Variants in PFKFB3 observed in about 807,000 individuals in gnomAD.
The protein encoded by PFKFB3 is 6-phosphofructo-2-kinase/fructose-2,6-bisphosphatase 3.
PFKFB3 carries 33 observed loss-of-function variants against 68.0 expected under a neutral mutation model. The observed-to-expected ratio is 0.49, with a 90% confidence interval of 0.37 to 0.65. PFKFB3 has a LOEUF of 0.65. PFKFB3 is among the 30% of genes least tolerant of loss of function. The pLI, the probability that PFKFB3 is intolerant of heterozygous loss-of-function variation, is 0.00. For missense variants in PFKFB3, 586 were observed against 712.2 expected (o/e 0.82, Z 2.02); for synonymous variants, 315 against 288.2 (o/e 1.09, Z -0.94).
At chr10:6,246,115 C>T (rs940261738) in intron 14 of PFKFB3, among the ~76,000 whole-genome samples, 3 of 152,126 alleles carry the variant, frequency 2.0e-5, no homozygotes, top group South Asian at 2.1e-4. Context: ...GCCATTCACC[C>T]GGCTGGGCCC....
intron 6 of PFKFB3, among the ~76,000 whole-genome samples, chr10:6,219,231 C>T (rs549607442): frequency 1.1e-4 from 17 of 152,346 alleles, no homozygotes; most frequent in African/African-American, 3.4e-4. Context: ...ACGTGGAGCT[C>T]GGTTGAGTTC....
At chr10:6,145,054 CG>C (rs1473290502) in intron 1 of PFKFB3, 2 of 1,307,406 alleles carry the variant, frequency 1.5e-6, no homozygotes, top group Non-Finnish European at 1.9e-6. Context: ...CCAGCGCGCG[CG>C]GGGACCTGAG....
chr10:6,294,897 T>C, the PFKFB3 span, among the ~76,000 whole-genome samples: 1 of 152,318 alleles, frequency 6.6e-6, no homozygotes, highest in African/African-American at 2.4e-5. Flanking sequence ...ATTTCTGGTC[T>C]GATAATCCCC....
chr10:6,191,320 C>T (rs1359218367), intron 1 of PFKFB3, among the ~76,000 whole-genome samples: 3 of 152,180 alleles, frequency 2.0e-5, no homozygotes, highest in Non-Finnish European at 2.9e-5. Context: ...CAGCAGGGAC[C>T]GCTCAAGACC....
Position 6,226,356 on chromosome 10 carries a change from G to T in PFKFB3, c.1506G>T (p.Leu502=), listed in dbSNP as rs760586804. 2 of 1,612,164 alleles carry T rather than the reference G, an allele frequency of 1.2e-6. No homozygotes were observed. Among genetic ancestry groups the T allele is most frequent in the East Asian group, 2.2e-5 (1 of 44,870 alleles). ...SCLPPEVPTQ[L]PGQNMKGSRS... is the part of the protein sequence containing the mutation. ...TGCCCCCGGAGGTGCCCACGCAGCT[G>T]CCTGGACAAGTCAGTGCACTCCCCT... Residue 502 remains leucine, a synonymous_variant, in exon 14 of 15, where the codon CTG becomes CTT. Coordinates refer to ENST00000379775, the MANE Select transcript of PFKFB3 (RefSeq NM_004566.4).
Position 6,228,356 on chromosome 10 carries a change from G to A in PFKFB3, c.1515+1991G>A, listed in dbSNP as rs947665195. 8.8e-6 allele frequency: 8 copies of A among 914,022 alleles called. No homozygotes were observed. The Middle Eastern group carries it at 6.3e-4, about 72-fold the overall frequency. 56.6% of individuals were successfully genotyped at this position (914,022 alleles called of 1,614,324 possible). Reference sequence around the variant, plus strand: ...CTTCCGTGGGGGAAGGAGGAGATGGGCGTAGGAGTAGGGAGGAGAGATTCC... The same window carrying A: ...CTTCCGTGGGGGAAGGAGGAGATGGACGTAGGAGTAGGGAGGAGAGATTCC... On this transcript the variant is annotated intron_variant, in intron 14 of 14. Transcript: ENST00000379775. This position sits in a 1 kb window ranked among gnomAD's most constrained non-coding sequence, Gnocchi z 4.5.
At chr10:6,282,889 G>A in the PFKFB3 span, among the ~76,000 whole-genome samples, 2 of 152,152 alleles carry the variant, frequency 1.3e-5, no homozygotes, top group Non-Finnish European at 2.9e-5. Context: ...GACCTACCAG[G>A]TATGGGGTTT....
At chr10:6,185,481 C>T (rs1842843765) in intron 1 of PFKFB3, among the ~76,000 whole-genome samples, 1 of 152,176 alleles carries the variant, frequency 6.6e-6, no homozygotes, top group Non-Finnish European at 1.5e-5. Flanking sequence ...GAGGAGACGG[C>T]AGAGGGACGC....
chr10:6,177,476 CTTTCTTTCTTTT>C (rs1263491345), intron 1 of PFKFB3, among the ~76,000 whole-genome samples: 3 of 118,984 alleles, frequency 2.5e-5, no homozygotes, highest in South Asian at 5.4e-4. Context: ...TTCTTTCTTT[CTTTCTTTCTTTT>C]TCTTTTCTTT....
chr10:6,213,406 G>T (rs1302625122), intron 1 of PFKFB3, among the ~76,000 whole-genome samples: 1 of 152,202 alleles, frequency 6.6e-6, no homozygotes, highest in Non-Finnish European at 1.5e-5. Flanking sequence ...TGTAGTCCCA[G>T]CTATTGGGGA....
At chr10:6,213,877 T>G in intron 2 of PFKFB3, 129 bp downstream of exon 2, 1 of 923,252 alleles carries the variant, frequency 1.1e-6, no homozygotes. Context: ...TGATCCTGCC[T>G]CCCATGCAGC....
In PFKFB3 at chr10:6,184,273, G is replaced by C. The variant is rs192654252; in HGVS notation, c.17-29350G>C. 2.8e-4 allele frequency among the ~76,000 whole-genome samples: 43 copies of C among 151,896 alleles called. No homozygotes were observed. The East Asian group carries it at 7.4e-3, about 26-fold the overall frequency. On this transcript the variant is annotated intron_variant, in intron 1 of 14. Coordinates refer to the PFKFB3 transcript ENST00000379789. ...TCGCCATGTTGTCCAGCCTGGTCTC[G>C]AGCTTCTGACCTCAGGTGATCTGCC... is the stretch of plus-strand genomic sequence containing the variant.
the PFKFB3 span, among the ~76,000 whole-genome samples, chr10:6,324,954 A>C: frequency 2.6e-5 from 4 of 152,038 alleles, no homozygotes; most frequent in Non-Finnish European, 5.9e-5. Flanking sequence ...AGATGCATAC[A>C]AGTGTTGGCA....
rs76643690 is a variant in PFKFB3, at chr10:6,229,634, G to A, written c.1516-3261G>A. Among the ~76,000 whole-genome samples the A allele has an allele frequency of 0.03, 4,617 of 152,270 alleles. 164 individuals carry two copies. Among genetic ancestry groups the A allele is most frequent in the Admixed American group, 0.099 (1,509 of 15,288 alleles). On this transcript the variant is annotated intron_variant, in intron 14 of 14. Coordinates refer to ENST00000379775, the MANE Select transcript of PFKFB3 (RefSeq NM_004566.4). This position sits in a 1 kb window ranked among gnomAD's most constrained non-coding sequence, Gnocchi z 4.3. The stretch of plus-strand genomic sequence containing the variant: ...TCCTCAGGGCCAGTGTCTGTGATGC[G>A]CGGGGCCAGCGTGCAGTGCTTCAGG...
chr10:6,317,185 C>CTCTTGATACTGTCTTGATACTG, the PFKFB3 span, among the ~76,000 whole-genome samples: 1 of 152,194 alleles, frequency 6.6e-6, no homozygotes, highest in Admixed American at 6.5e-5. Flanking sequence ...GGGGGACGTG[C>CTCTTGATACTGTCTTGATACTG]TCTTGATACT....
chr10:6,221,009 G>A, intron 8 of PFKFB3, 144 bp downstream of exon 8: 2 of 790,572 alleles, frequency 2.5e-6, no homozygotes. Context: ...GTGTGCGCCT[G>A]CACGTCTCTA....
chr10:6,190,402 C>T (rs1842990710), intron 1 of PFKFB3, among the ~76,000 whole-genome samples: 1 of 152,264 alleles, frequency 6.6e-6, no homozygotes, highest in African/African-American at 2.4e-5. Flanking sequence ...TTCCCATCTC[C>T]TACATGCATT....
At chr10:6,296,094 A>G in the PFKFB3 span, among the ~76,000 whole-genome samples, 4 of 152,340 alleles carry the variant, frequency 2.6e-5, no homozygotes, top group East Asian at 1.9e-4. Context: ...TGTGACCTCA[A>G]TTCTCTGATG....
At chr10:6,257,607 C>A (rs557839400), downstream of PFKFB3, among the ~76,000 whole-genome samples, 5 of 152,264 alleles carry the variant, frequency 3.3e-5, no homozygotes, top group Non-Finnish European at 7.4e-5. Flanking sequence ...TTGGAAAAAA[C>A]ATTACAGTCC....
Sources: allele counts gnomAD v4.1 joint callset (sites outside exome capture counted in the v4.1 genomes callset), GRCh38; gene constraint gnomAD v4.1.1; non-coding constraint Gnocchi (gnomAD v3.1); transcripts MANE v1.5; gene names NCBI Gene and HGNC (gene_info 2026-07-23, HGNC 2026-07-21).